The following ADK variants were observed in gnomAD, a reference collection of about 807,000 sequenced individuals.
ADK encodes the protein adenosine kinase, also known as N6,N6-dimethyladenosine kinase.
In ADK, 24 loss-of-function variants were observed where a neutral mutation model predicts 44.7. The observed-to-expected ratio is 0.54, with a 90% CI of 0.39 to 0.76. ADK has a LOEUF of 0.76. Ranked by LOEUF, ADK falls within the 30% of genes least tolerant of loss-of-function variation. ADK has a pLI of 0.00. For missense variants in ADK, 321 were observed against 425.1 expected (o/e 0.76, Z 2.15); for synonymous variants, 128 against 142.6 (o/e 0.90, Z 0.73).
rs1483029580 is a variant in ADK at position 74,200,682 on chromosome 10, A to G, written c.66-82A>G. 1.0e-5 allele frequency: 9 copies of G among 898,100 alleles called. No individual in the cohort carries two copies. In the Admixed American group the frequency reaches 1.2e-4, roughly 12 times the overall value. 55.6% of individuals were successfully genotyped at this position (898,100 alleles called of 1,614,324 possible). The stretch of plus-strand genomic sequence containing the variant: ...GGTTTATTTTCAGGTTGAAATGAAG[A>G]TAGTTATTTTTATTTTGTGTACCTT... On this transcript the variant is annotated intron_variant, in intron 1 of 10. Coordinates refer to ENST00000539909, the MANE Select transcript of ADK (RefSeq NM_006721.4).
chr10:74,583,089 A>T (rs1365591040), intron 7 of ADK, among the ~76,000 whole-genome samples: 1 of 152,252 alleles, frequency 6.6e-6, no homozygotes, highest in African/African-American at 2.4e-5. Context: ...GGTTTGATAG[A>T]TAACATAAAG....
Position 74,340,525 on chromosome 10 carries a change from C to A in ADK, c.273+25780C>A, listed in dbSNP as rs1841548993. ...GAAATTAAAATGAAGCCATACATAG[C>A]ATTTGCTTTGATTAAAAAGAATAGA... On this transcript the variant is annotated intron_variant, in intron 4 of 10. Coordinates refer to ENST00000539909, the MANE Select transcript of ADK (RefSeq NM_006721.4). 3.3e-5 allele frequency among the ~76,000 whole-genome samples: 5 copies of A among 152,074 alleles called. No individual in the cohort carries two copies. The South Asian group carries it at 1.0e-3, about 31-fold the overall frequency.
intron 6 of ADK, among the ~76,000 whole-genome samples, chr10:74,497,478 T>C (rs1847732905): frequency 2.0e-5 from 3 of 152,234 alleles, no homozygotes; most frequent in Admixed American, 2.0e-4. Flanking sequence ...CCCACCTCTC[T>C]CTTCATTATA....
intron 4 of ADK, among the ~76,000 whole-genome samples, chr10:74,347,061 C>T (rs1225458735): frequency 3.7e-5 from 5 of 135,646 alleles, no homozygotes; most frequent in Non-Finnish European, 6.1e-5. Context: ...GAGCAGAGAT[C>T]GCACCACTGC....
intron 7 of ADK, among the ~76,000 whole-genome samples, chr10:74,581,066 CCATT>C (rs991932543): frequency 6.0e-5 from 9 of 148,800 alleles, no homozygotes; most frequent in Admixed American, 4.7e-4. Context: ...GTATATATAA[CCATT>C]CATGCGAAGA....
At chr10:74,390,042 A>G (rs1843282773) in intron 4 of ADK, among the ~76,000 whole-genome samples, 1 of 152,134 alleles carries the variant, frequency 6.6e-6, no homozygotes, top group South Asian at 2.1e-4. Flanking sequence ...ATCATAGTAA[A>G]AGTTGCTATT....
intron 4 of ADK, among the ~76,000 whole-genome samples, chr10:74,336,081 A>G (rs780281994): frequency 2.6e-5 from 4 of 152,224 alleles, no homozygotes; most frequent in Admixed American, 6.5e-5. Context: ...CTCTTTGCCT[A>G]ATCCAGGGTG....
intron 7 of ADK, among the ~76,000 whole-genome samples, chr10:74,584,293 A>G (rs1411709018): frequency 1.3e-5 from 2 of 152,218 alleles, no homozygotes; most frequent in Non-Finnish European, 2.9e-5. Flanking sequence ...CACATAAAGT[A>G]TTTCATTTAT....
chr10:74,300,813 C>T (rs1840006553), intron 3 of ADK, among the ~76,000 whole-genome samples: 1 of 152,244 alleles, frequency 6.6e-6, no homozygotes, highest in Non-Finnish European at 1.5e-5. Context: ...ATGTCCCATT[C>T]TGTCAAAAGT....
At chr10:74,525,116 T>A in intron 6 of ADK, 140 bp from the exon 7 acceptor site, 2 of 778,828 alleles carry the variant, frequency 2.6e-6, no homozygotes, top group Non-Finnish European at 4.2e-6. Flanking sequence ...ATCCTTCCAG[T>A]CAAATGTTGC....
chr10:74,708,126 C>T (rs1349117469), intron 10 of ADK, among the ~76,000 whole-genome samples, 195 bp from the exon 11 acceptor site: 5 of 135,062 alleles, frequency 3.7e-5, no homozygotes, highest in Non-Finnish European at 7.6e-5. Context: ...CTCCAGCCTG[C>T]GTGACAGGGC....
intron 7 of ADK, among the ~76,000 whole-genome samples, chr10:74,548,223 AT>A (rs1292659784): frequency 6.6e-6 from 1 of 151,840 alleles, no homozygotes; most frequent in African/African-American, 2.4e-5. Context: ...TCTTTTCAGT[AT>A]TGCAAATACA....
At chr10:74,234,692 C>G (rs1348863813) in intron 3 of ADK, among the ~76,000 whole-genome samples, 1 of 152,108 alleles carries the variant, frequency 6.6e-6, no homozygotes, top group Non-Finnish European at 1.5e-5. Flanking sequence ...GAATGGTAAT[C>G]TGATATTTCC....
At chr10:74,491,835 G>A (rs1230179011) in intron 6 of ADK, among the ~76,000 whole-genome samples, 2 of 152,106 alleles carry the variant, frequency 1.3e-5, no homozygotes, top group South Asian at 2.1e-4. Context: ...ATAAATGGTA[G>A]TGTTATTGTG....
At chr10:74,346,049 G>A (rs1171391937) in intron 4 of ADK, among the ~76,000 whole-genome samples, 9 of 152,046 alleles carry the variant, frequency 5.9e-5, no homozygotes, top group Non-Finnish European at 5.9e-5. Context: ...TACATGCCAC[G>A]ACCTGGCTAA....
At chr10:74,386,742 G>A (rs984845387) in intron 4 of ADK, among the ~76,000 whole-genome samples, 2 of 152,042 alleles carry the variant, frequency 1.3e-5, no homozygotes, top group East Asian at 1.9e-4. Flanking sequence ...TTGCTTTGTC[G>A]GTATACTCCT....
chr10:74,544,383 G>T (rs1197279579), intron 7 of ADK, among the ~76,000 whole-genome samples: 1 of 152,166 alleles, frequency 6.6e-6, no homozygotes, highest in Admixed American at 6.5e-5. Context: ...GGTTTTTGAA[G>T]CTCTGTGCTA....
intron 3 of ADK, among the ~76,000 whole-genome samples, chr10:74,298,325 A>G (rs1195073747): frequency 6.6e-6 from 1 of 152,244 alleles, no homozygotes; most frequent in Admixed American, 6.5e-5. Context: ...CCCATTTGTT[A>G]GCAAAGCAAG....
In ADK at chr10:74,682,443, C is replaced by A. The variant is rs142876867; in HGVS notation, c.964+12174C>A. Among the ~76,000 whole-genome samples, 1,075 of 152,300 alleles carry A rather than the reference C, an allele frequency of 7.1e-3. 8 individuals are homozygous for A. Among genetic ancestry groups the A allele is most frequent in the Non-Finnish European group, 0.013 (885 of 68,030 alleles). ...TATTACACATTGCTTCTCAGTTGCT[C>A]ACTTTATGTGGGAGGGTGTGTTGTG... On this transcript the variant is annotated intron_variant, in intron 10 of 10. Coordinates refer to ENST00000539909, the MANE Select transcript of ADK (RefSeq NM_006721.4).
Sources: gnomAD v4.1 joint callset for allele counts (sites outside exome capture counted in the v4.1 genomes callset) on GRCh38, gnomAD v4.1.1 for gene constraint, MANE v1.5 for transcripts, NCBI Gene and HGNC (gene_info 2026-07-23, HGNC 2026-07-21) for gene names.